ALKBH3: variants seen among roughly 807,000 people sequenced by gnomAD.
ALKBH3 encodes the protein alpha-ketoglutarate-dependent dioxygenase alkB homolog 3.
ALKBH3 carries 51 observed loss-of-function variants against 43.9 expected under a neutral mutation model. The ratio of observed to expected loss-of-function variants is 1.16; its 90% confidence interval spans 0.93 to 1.47. ALKBH3 has a LOEUF of 1.47. Among genes scored for constraint, ALKBH3 ranks in the 40% most tolerant of loss-of-function variants. The pLI is 0.00. For synonymous variants in ALKBH3, 102 were observed against 115.2 expected (o/e 0.89, Z 0.73); for missense variants, 361 against 351.9 (o/e 1.03, Z -0.21).
chr11:43,891,076 A>T (rs947877822), intron 6 of ALKBH3, among the ~76,000 whole-genome samples: 1 of 152,162 alleles, frequency 6.6e-6, no homozygotes, highest in Non-Finnish European at 1.5e-5. Flanking sequence ...TTTTTGATCC[A>T]TGGTGGATGT....
At chr11:43,915,215 G>GA (rs978733020) in intron 8 of ALKBH3, among the ~76,000 whole-genome samples, 1,682 of 78,282 alleles carry the variant, frequency 0.021, 20 homozygotes, top group African/African-American at 0.064. Context: ...CTCAAAAAAA[G>GA]AAAAAAAAAA....
At chr11:43,882,866 T>C (rs1398418906) in intron 2 of ALKBH3, 135 bp downstream of exon 2, 1 of 1,085,096 alleles carries the variant, frequency 9.2e-7, no homozygotes, top group Non-Finnish European at 1.3e-6. Context: ...GGCTGATATT[T>C]TGTCCGATTT....
chr11:43,896,234 G>C (rs986592928), intron 7 of ALKBH3, among the ~76,000 whole-genome samples: 1 of 151,422 alleles, frequency 6.6e-6, no homozygotes, highest in Non-Finnish European at 1.5e-5. Flanking sequence ...GCCACTATTA[G>C]GGTTCTCTAG....
At chr11:43,916,414 A>G (rs1951983709) in intron 8 of ALKBH3, among the ~76,000 whole-genome samples, 1 of 152,186 alleles carries the variant, frequency 6.6e-6, no homozygotes, top group South Asian at 2.1e-4. Flanking sequence ...TTTTCCATGT[A>G]CTCGTAGGGT....
intron 6 of ALKBH3, among the ~76,000 whole-genome samples, chr11:43,890,102 T>A (rs1287247790): frequency 6.6e-6 from 1 of 151,306 alleles, no homozygotes; most frequent in Admixed American, 6.7e-5. Flanking sequence ...GAACTATGGC[T>A]GACATACTTA....
rs1022337871 is a variant in ALKBH3, at chr11:43,884,021, A to C, written c.218+4A>C. 1.2e-6 allele frequency: 2 copies of C among 1,613,908 alleles called. No individual in the cohort carries two copies. Among genetic ancestry groups the C allele is most frequent in the Admixed American group, 1.7e-5 (1 of 60,000 alleles). On this transcript the variant is annotated splice_donor_region_variant and intron_variant, in intron 4 of 9. Coordinates refer to ENST00000302708, the MANE Select transcript of ALKBH3 (RefSeq NM_139178.4). ...CTCCTGAGCCACGAGTGATTGAGTA[A>C]GTAATTTGCTGTCTTCCTGTAATTG...
Position 43,883,202 on chromosome 11 carries a change from T to G in ALKBH3, c.183+14T>G, listed in dbSNP as rs551683069. On this transcript the variant is annotated intron_variant, in intron 3 of 9. Coordinates refer to ENST00000302708, the MANE Select transcript of ALKBH3 (RefSeq NM_139178.4). ...GAACCTCAGCAGGTAAATTCATGGT[T>G]TTTTCTTCAATAGTGATAAAAATTT... 1.2e-6 allele frequency: 2 copies of G among 1,600,196 alleles called. No homozygotes were observed. The highest frequency in any genetic ancestry group is 1.7e-6 in the Non-Finnish European group (2 of 1,170,600).
At chr11:43,886,180 A>G (rs561518688) in intron 4 of ALKBH3, among the ~76,000 whole-genome samples, 81 of 152,230 alleles carry the variant, frequency 5.3e-4, no homozygotes, top group African/African-American at 1.9e-3. Flanking sequence ...CAGAAGAGGA[A>G]CCTCATCAGA....
At chr11:43,913,916 A>T (rs541074910) in intron 8 of ALKBH3, among the ~76,000 whole-genome samples, 1 of 152,278 alleles carries the variant, frequency 6.6e-6, no homozygotes, top group African/African-American at 2.4e-5. Flanking sequence ...TAAAAATCCC[A>T]CTTGTCAGCT....
intron 7 of ALKBH3, among the ~76,000 whole-genome samples, chr11:43,895,136 A>T (rs915079184): frequency 3.3e-5 from 5 of 152,198 alleles, no homozygotes; most frequent in African/African-American, 9.7e-5. Context: ...CAACCATGGG[A>T]TATACTTAAT....
chr11:43,897,957 C>G, intron 7 of ALKBH3: 1 of 785,958 alleles, frequency 1.3e-6, no homozygotes, highest in Non-Finnish European at 2.4e-6. Flanking sequence ...GAGGCATAAC[C>G]TTTGTGCCCC....
At chr11:43,910,998 A>G (rs553652591) in intron 8 of ALKBH3, among the ~76,000 whole-genome samples, 24 of 152,338 alleles carry the variant, frequency 1.6e-4, no homozygotes, top group Non-Finnish European at 3.4e-4. Context: ...AGTGAACATG[A>G]CAAACATAGT....
Position 43,892,047 on chromosome 11 carries a change from C to G in ALKBH3, c.377C>G (p.Thr126Ser). 6.2e-7 allele frequency: 1 copy of G among 1,612,078 alleles called. No individual in the cohort carries two copies. The highest frequency in any genetic ancestry group is 8.5e-7 in the Non-Finnish European group (1 of 1,178,204). Residue 126 changes from threonine (T) to serine (S), a missense_variant, in exon 7 of 10, where the codon ACT becomes AGT. By Grantham distance (58) the Thr-to-Ser change is moderately conservative (BLOSUM62 1). Transcript: ENST00000302708. ...CCTGTATTTTCTTTCTTAGATATAA[C>G]TTATCAGCAACCAAGACTTACAGCA... ...KQRTGIREDI[T>S]YQQPRLTAWY...
intron 4 of ALKBH3, among the ~76,000 whole-genome samples, chr11:43,884,924 T>A (rs939533594): frequency 1.3e-5 from 2 of 151,858 alleles, no homozygotes; most frequent in Non-Finnish European, 2.9e-5. Flanking sequence ...GCTCCTTTTT[T>A]AAAAAATTTT....
intron 8 of ALKBH3, among the ~76,000 whole-genome samples, chr11:43,904,597 C>G (rs1951883756): frequency 6.6e-6 from 1 of 152,058 alleles, no homozygotes; most frequent in Non-Finnish European, 1.5e-5. Flanking sequence ...TTCCAAAAAC[C>G]TGGGGCTCTA....
intron 8 of ALKBH3, among the ~76,000 whole-genome samples, chr11:43,916,334 A>G (rs1000716669): frequency 2.0e-4 from 31 of 152,236 alleles, no homozygotes; most frequent in African/African-American, 7.2e-4. Flanking sequence ...TAAGCCTTCA[A>G]ATGAACTGGC....
intron 4 of ALKBH3, among the ~76,000 whole-genome samples, chr11:43,884,818 C>G (rs1018902707): frequency 6.6e-6 from 1 of 152,152 alleles, no homozygotes; most frequent in African/African-American, 2.4e-5. Context: ...GTGGCATAAT[C>G]AAAACTCACT....
intron 8 of ALKBH3, among the ~76,000 whole-genome samples, chr11:43,902,327 C>CA (rs1161674294): frequency 6.6e-6 from 1 of 152,010 alleles, no homozygotes; most frequent in Non-Finnish European, 1.5e-5. Context: ...AAACAGTGAC[C>CA]AAAAAATTAA....
At chr11:43,892,774 G>A (rs186815851) in intron 7 of ALKBH3, among the ~76,000 whole-genome samples, 43 of 152,324 alleles carry the variant, frequency 2.8e-4, no homozygotes, top group Non-Finnish European at 3.1e-4. Context: ...TATTGAAAGA[G>A]ACTTTGAAGA....
Sources: allele counts gnomAD v4.1 joint callset (sites outside exome capture counted in the v4.1 genomes callset), GRCh38; gene constraint gnomAD v4.1.1; transcripts MANE v1.5; gene names NCBI Gene and HGNC (gene_info 2026-07-23, HGNC 2026-07-21).